ZNF519: variants seen among roughly 807,000 people sequenced by gnomAD.
ZNF519 encodes the protein similar to Zinc finger protein 85 (Zinc finger protein HPF4) (HTF1).
In ZNF519, 7 loss-of-function variants were observed where a neutral mutation model predicts 7.4. That is an observed-to-expected ratio of 0.94 (90% CI 0.54 to 1.77). ZNF519 has a LOEUF of 1.77. Among genes scored for constraint, ZNF519 ranks in the 40% most tolerant of loss-of-function variants. ZNF519 has a pLI of 0.00. For synonymous variants in ZNF519, 179 were observed against 203.3 expected (o/e 0.88, Z 1.02); for missense variants, 586 against 623.1 (o/e 0.94, Z 0.63).
intron 2 of ZNF519, among the ~76,000 whole-genome samples, chr18:14,089,122 A>T (rs2046103657): frequency 6.6e-6 from 1 of 152,210 alleles, no homozygotes; most frequent in Non-Finnish European, 1.5e-5. Context: ...ATAAGTATGA[A>T]AATGAATTAA....
downstream of ZNF519, among the ~76,000 whole-genome samples, chr18:14,095,003 G>C (rs901922232): frequency 6.6e-6 from 1 of 152,096 alleles, no homozygotes; most frequent in Non-Finnish European, 1.5e-5. Context: ...AATTATGTCC[G>C]TAAGATTATA....
At chr18:14,113,309 G>A (rs928790647) in intron 2 of ZNF519, among the ~76,000 whole-genome samples, 8 of 152,148 alleles carry the variant, frequency 5.3e-5, no homozygotes, top group Admixed American at 5.2e-4. Context: ...ATGCATACCT[G>A]ATTGCCTCCT....
downstream of ZNF519, among the ~76,000 whole-genome samples, chr18:14,095,506 G>C (rs556255917): frequency 6.6e-6 from 1 of 152,354 alleles, no homozygotes; most frequent in South Asian, 2.1e-4. Context: ...GACATCCTTA[G>C]ACAACATGCT....
chr18:14,086,821 T>C (rs2046092299), intron 2 of ZNF519, among the ~76,000 whole-genome samples: 2 of 152,128 alleles, frequency 1.3e-5, no homozygotes, highest in Admixed American at 1.3e-4. Flanking sequence ...TTGAAAAATG[T>C]AATGAACCAA....
At chr18:14,097,385 C>A (rs558351342), downstream of ZNF519, among the ~76,000 whole-genome samples, 11 of 152,218 alleles carry the variant, frequency 7.2e-5, no homozygotes, top group South Asian at 2.1e-3. Context: ...GTGGAGGTGG[C>A]CCCACTAAAT....
chr18:14,082,532 A>T (rs906633616), intron 3 of ZNF519: 2 of 152,184 alleles, frequency 1.3e-5, no homozygotes, highest in Admixed American at 6.5e-5. Context: ...GGCAGACATG[A>T]TAAGAAAGAC....
chr18:14,095,984 A>G (rs1346002426), downstream of ZNF519, among the ~76,000 whole-genome samples: 1 of 152,160 alleles, frequency 6.6e-6, no homozygotes. Flanking sequence ...GCCACTGTGG[A>G]AGGCTAGCAG....
At position 14,077,018 on chromosome 18, in the gene ZNF519, A is replaced by T. The variant is rs1598505479; in HGVS notation, c.*785T>A. 4 of 152,316 alleles carry T rather than the reference A, an allele frequency of 2.6e-5. No homozygotes were observed. The East Asian group carries it at 5.8e-4, about 22-fold the overall frequency. 9.4% of individuals were successfully genotyped at this position (152,316 alleles called of 1,614,324 possible). On this transcript the variant is annotated 3_prime_UTR_variant and NMD_transcript_variant, in exon 5 of 5. Coordinates refer to the ZNF519 transcript ENST00000587419. Reference sequence around the variant, plus strand: ...ATCGAAGGCATGAAGGTGTTGTAGAAACACCTCTACTAATCCTGAAAATGT... The same window carrying T: ...ATCGAAGGCATGAAGGTGTTGTAGATACACCTCTACTAATCCTGAAAATGT...
intron 2 of ZNF519, among the ~76,000 whole-genome samples, chr18:14,094,379 C>T (rs1041130488): frequency 6.6e-6 from 1 of 152,184 alleles, no homozygotes; most frequent in African/African-American, 2.4e-5. Flanking sequence ...TTTTATAAAA[C>T]CGGCTTTTTC....
In ZNF519 at chr18:14,100,916, A is replaced by G. The variant is rs1465348211; in HGVS notation, c.*4001T>C. 1 of 152,236 alleles carries G rather than the reference A, an allele frequency of 6.6e-6. No homozygotes were observed. The highest frequency in any genetic ancestry group is 1.5e-5 in the Non-Finnish European group (1 of 68,046). The allele number at this position is 152,236 out of a possible 1,614,324, so 9.4% of individuals were successfully genotyped here. ...AGTTTTAAATAGTTTTATAATATGA[A>G]TAACCAATCTATTCCCTCAGCAGTG... On this transcript the variant is annotated 3_prime_UTR_variant, in exon 3 of 3. Coordinates refer to ENST00000590202, the MANE Select transcript of ZNF519 (RefSeq NM_145287.4).
chr18:14,092,071 C>T (rs144894877), intron 2 of ZNF519, among the ~76,000 whole-genome samples: 161 of 152,188 alleles, frequency 1.1e-3, no homozygotes, highest in Middle Eastern at 6.8e-3. Context: ...AGCAGAGAGA[C>T]CAGCTGGGAG....
At chr18:14,123,272 C>T (rs1375544623) in intron 2 of ZNF519, 1 of 158,770 alleles carries the variant, frequency 6.3e-6, no homozygotes, top group Non-Finnish European at 1.4e-5. Context: ...TCTCCAATTA[C>T]CAACCTAGTA....
chr18:14,095,870 G>A (rs1174450786), downstream of ZNF519, among the ~76,000 whole-genome samples: 1 of 152,214 alleles, frequency 6.6e-6, no homozygotes, highest in Non-Finnish European at 1.5e-5. Context: ...GCTCATCTGG[G>A]TCACATCCAA....
At chr18:14,127,844 C>T (rs942221797) in intron 1 of ZNF519, among the ~76,000 whole-genome samples, 3 of 151,514 alleles carry the variant, frequency 2.0e-5, no homozygotes, top group Non-Finnish European at 4.4e-5. Context: ...ATTTGGGGGG[C>T]ACTTTGCTGC....
intron 2 of ZNF519, chr18:14,089,957 G>C (rs551969585): frequency 6.6e-6 from 1 of 152,238 alleles, no homozygotes; most frequent in African/African-American, 2.4e-5. Context: ...CGTGATGGCT[G>C]CGGTGCAATG....
At chr18:14,095,144 T>C (rs2046130536), downstream of ZNF519, among the ~76,000 whole-genome samples, 2 of 150,718 alleles carry the variant, frequency 1.3e-5, no homozygotes, top group African/African-American at 2.5e-5. Context: ...TTGTTGTGTG[T>C]CCATAGTTGT....
At chr18:14,089,118 A>G (rs1271160588) in intron 2 of ZNF519, among the ~76,000 whole-genome samples, 3 of 152,216 alleles carry the variant, frequency 2.0e-5, no homozygotes, top group African/African-American at 7.2e-5. Flanking sequence ...GAATATAAGT[A>G]TGAAAATGAA....
chr18:14,072,631 A>G (rs934260613), downstream of ZNF519: 1 of 152,112 alleles, frequency 6.6e-6, no homozygotes, highest in Non-Finnish European at 1.5e-5. Context: ...CCTGAAATAT[A>G]TTCTCTAGGT....
At chr18:14,120,962 T>C (rs2046266982) in intron 2 of ZNF519, among the ~76,000 whole-genome samples, 1 of 152,092 alleles carries the variant, frequency 6.6e-6, no homozygotes, top group Admixed American at 6.6e-5. Context: ...ATATGGTGTG[T>C]GTGTGTGTAC....
Sources: allele counts gnomAD v4.1 joint callset (sites outside exome capture counted in the v4.1 genomes callset), GRCh38; gene constraint gnomAD v4.1.1; transcripts MANE v1.5; gene names NCBI Gene and HGNC (gene_info 2026-07-23, HGNC 2026-07-21).